PCDHGB7: variants seen among roughly 807,000 people sequenced by gnomAD.
PCDHGB7 encodes protocadherin gamma subfamily B, 7, also known as protocadherin gamma-B7.
A neutral mutation model predicts 61.4 loss-of-function variants in PCDHGB7; 37 were observed. That is an observed-to-expected ratio of 0.60 (90% CI 0.46 to 0.79). The LOEUF (loss-of-function observed/expected upper bound fraction) is 0.79. PCDHGB7 is among the 30% of genes least tolerant of loss of function. PCDHGB7 has a pLI of 0.00. For synonymous variants in PCDHGB7, 464 were observed against 503.5 expected (o/e 0.92, Z 1.05); for missense variants, 1,166 against 1,202.5 (o/e 0.97, Z 0.45).
chr5:141,423,169 C>T (rs747206648), intron 1 of PCDHGB7: 4 of 1,613,460 alleles, frequency 2.5e-6, no homozygotes, highest in Admixed American at 3.3e-5. Flanking sequence ...GGTGGCCGTC[C>T]AGGACCACGG....
Position 141,490,122 on chromosome 5 carries a change from C to T in PCDHGB7, c.2416-4685C>T. 3 of 1,614,260 alleles carry T rather than the reference C, an allele frequency of 1.9e-6. No homozygotes were observed. The highest frequency in any genetic ancestry group is 2.5e-6 in the Non-Finnish European group (3 of 1,180,046). On this transcript the variant is annotated intron_variant, in intron 1 of 3. Coordinates refer to ENST00000398594, the MANE Select transcript of PCDHGB7 (RefSeq NM_018927.4). The surrounding 1 kb of genome is among the most constrained non-coding windows in gnomAD (Gnocchi z 5.4). ...CTGAGGCAGTGCGGAACCTCTTTGG[C>T]CTAGACCCTAGCAGTGGGGCAATCC... is the stretch of plus-strand genomic sequence containing the variant.
intron 1 of PCDHGB7, chr5:141,440,479 T>C (rs949675242): frequency 6.6e-6 from 1 of 152,172 alleles, no homozygotes; most frequent in African/African-American, 2.4e-5. Context: ...TTGAAAATTC[T>C]TTAAATGTTT....
intron 1 of PCDHGB7, among the ~76,000 whole-genome samples, chr5:141,453,225 C>T (rs2098758997): frequency 6.6e-6 from 1 of 152,044 alleles, no homozygotes; most frequent in African/African-American, 2.4e-5. Context: ...GCGATCCTCC[C>T]ACCTCAGCCT....
Position 141,489,866 on chromosome 5 carries a change from A to AGCTGGT in PCDHGB7, c.2416-4937_2416-4932dup. ...GATCGTGAAGCCCAGGCAAGACATC[A>AGCTGGT]GCTGGTGCTTACTGCTGTGGATGGG... On this transcript the variant is annotated intron_variant, in intron 1 of 3. Coordinates refer to ENST00000398594, the MANE Select transcript of PCDHGB7 (RefSeq NM_018927.4). The surrounding 1 kb of genome is among the most constrained non-coding windows in gnomAD (Gnocchi z 4.5). The AGCTGGT allele has an allele frequency of 1.2e-6, 2 of 1,614,220 alleles. No individual in the cohort carries two copies. The highest frequency in any genetic ancestry group is 1.7e-6 in the Non-Finnish European group (2 of 1,180,018).
rs1178680836 is a variant in PCDHGB7 at position 141,420,053 on chromosome 5, T to C, written c.2194T>C (p.Cys732Arg). 3.1e-6 allele frequency: 5 copies of C among 1,613,970 alleles called. No homozygotes were observed. Among genetic ancestry groups the C allele is most frequent in the Non-Finnish European group, 2.5e-6 (3 of 1,179,910 alleles). The change falls in exon 1 of 4, where the codon TGC (cysteine) becomes CGC (arginine). Residue 732 changes from cysteine (C) to arginine (R), a missense_variant. Cys to Arg is a radical substitution (Grantham distance 180). Coordinates refer to ENST00000398594, the MANE Select transcript of PCDHGB7 (RefSeq NM_018927.4). ...TAGDCFESVL[C>R]SKSGPVGPPN... is the part of the protein sequence containing the mutation. Reference sequence around the variant, plus strand: ...AGGAGACTGCTTTGAGTCAGTTCTCTGCTCCAAGTCCGGACCTGTGGGTCC... The same window carrying C: ...AGGAGACTGCTTTGAGTCAGTTCTCCGCTCCAAGTCCGGACCTGTGGGTCC...
At chr5:141,481,282 T>C (rs2099534931) in intron 1 of PCDHGB7, among the ~76,000 whole-genome samples, 1 of 152,148 alleles carries the variant, frequency 6.6e-6, no homozygotes, top group African/African-American at 2.4e-5. Flanking sequence ...CATAAAATGG[T>C]ATTTCAGTCA....
At chr5:141,462,280 C>T (rs927977920) in intron 1 of PCDHGB7, among the ~76,000 whole-genome samples, 15 of 152,146 alleles carry the variant, frequency 9.9e-5, no homozygotes, top group African/African-American at 3.4e-4. Context: ...TGTTTAGTCA[C>T]CAAATATGTA....
At chr5:141,504,378 C>T (rs2099837786) in intron 2 of PCDHGB7, among the ~76,000 whole-genome samples, 1 of 152,052 alleles carries the variant, frequency 6.6e-6, no homozygotes, top group Non-Finnish European at 1.5e-5. Flanking sequence ...CAGGTGGAGT[C>T]GCTGCCTCAC....
chr5:141,467,874 G>T (rs926647135), intron 1 of PCDHGB7, among the ~76,000 whole-genome samples: 1 of 151,920 alleles, frequency 6.6e-6, no homozygotes, highest in Non-Finnish European at 1.5e-5. Context: ...GCCCAGGCTG[G>T]TCTCAAACTC....
chr5:141,492,719 C>A (rs1367632029), intron 1 of PCDHGB7, among the ~76,000 whole-genome samples: 1 of 152,280 alleles, frequency 6.6e-6, no homozygotes, highest in Non-Finnish European at 1.5e-5. Context: ...AGCAGGCGGA[C>A]AGGCAGAGCT....
chr5:141,436,817 TA>T (rs1431750380), intron 1 of PCDHGB7, among the ~76,000 whole-genome samples: 1 of 152,244 alleles, frequency 6.6e-6, no homozygotes, highest in Non-Finnish European at 1.5e-5. Context: ...ACAGCTGGTT[TA>T]AAAATCTTAA....
intron 1 of PCDHGB7, chr5:141,478,227 G>A: frequency 6.2e-7 from 1 of 1,614,104 alleles, no homozygotes; most frequent in Non-Finnish European, 8.5e-7. Context: ...GTTTCTGTGG[G>A]GTTTGTGGTC....
intron 1 of PCDHGB7, chr5:141,421,025 A>G: frequency 5.7e-6 from 3 of 526,286 alleles, no homozygotes; most frequent in East Asian, 3.2e-5. Context: ...GCTGCGCGCC[A>G]TTGAGTCCCT....
At chr5:141,441,615 G>A in intron 1 of PCDHGB7, 1 of 219,248 alleles carries the variant, frequency 4.6e-6, no homozygotes, top group Non-Finnish European at 9.2e-6. Context: ...TTCCATCGTG[G>A]CCAGTGACCT....
chr5:141,457,336 C>T (rs1032184011), intron 1 of PCDHGB7, among the ~76,000 whole-genome samples: 6 of 152,158 alleles, frequency 3.9e-5, no homozygotes, highest in Admixed American at 3.3e-4. Context: ...AGGTACCTTA[C>T]TTACTTTCAT....
At position 141,418,509 on chromosome 5, in the gene PCDHGB7, G is replaced by A; in HGVS notation, c.650G>A (p.Gly217Asp). 1 of 1,613,986 alleles carries A rather than the reference G, an allele frequency of 6.2e-7. No homozygotes were observed. Residue 217 changes from glycine to aspartate, a missense_variant, in exon 1 of 4, where the codon GGT becomes GAT. Transcript: ENST00000398594. Reference sequence around the variant, plus strand: ...CACTTGGTACTGACCGCCTTAGATGGTGGGGACCCTCCCCGAAGCGGTACT... The same window carrying A: ...CACTTGGTACTGACCGCCTTAGATGATGGGGACCCTCCCCGAAGCGGTACT... ...AHHLVLTALD[G>D]GDPPRSGTAQ...
chr5:141,443,183 TTCTC>T (rs2098370937), intron 1 of PCDHGB7, among the ~76,000 whole-genome samples: 1 of 152,184 alleles, frequency 6.6e-6, no homozygotes, highest in Non-Finnish European at 1.5e-5. Context: ...CACTGCATCA[TTCTC>T]TATAGTACAA....
intron 1 of PCDHGB7, chr5:141,429,155 G>A (rs115622025): frequency 0.044 from 6,389 of 145,752 alleles, 216 homozygotes; most frequent in African/African-American, 0.099. Flanking sequence ...CACCCGGCCC[G>A]GAGACATTGT....
chr5:141,494,676 C>G, intron 1 of PCDHGB7, 131 bp from the exon 2 acceptor site: 1 of 1,550,918 alleles, frequency 6.4e-7, no homozygotes, highest in African/African-American at 1.4e-5. Context: ...GAGTCCACCC[C>G]TGCCCCCTCT....
Sources: gnomAD v4.1 joint callset for allele counts (sites outside exome capture counted in the v4.1 genomes callset) on GRCh38, gnomAD v4.1.1 for gene constraint, Gnocchi (gnomAD v3.1) non-coding constraint, MANE v1.5 for transcripts, NCBI Gene and HGNC (gene_info 2026-07-23, HGNC 2026-07-21) for gene names.